Variants in ATF1 observed in about 807,000 individuals in gnomAD.
ATF1 encodes the protein activating transcription factor 1.
A neutral mutation model predicts 34.7 loss-of-function variants in ATF1; 16 were observed. The observed-to-expected ratio is 0.46, with a 90% CI of 0.31 to 0.70. The LOEUF (loss-of-function observed/expected upper bound fraction) is 0.70. ATF1 is among the 30% of genes least tolerant of loss of function. The pLI, the probability that ATF1 is intolerant of heterozygous loss-of-function variation, is 0.05. For synonymous variants in ATF1, 105 were observed against 113.1 expected (o/e 0.93, Z 0.46); for missense variants, 255 against 321.6 (o/e 0.79, Z 1.58).
intron 1 of ATF1, among the ~76,000 whole-genome samples, chr12:50,776,023 A>T (rs140690757): frequency 6.6e-5 from 10 of 152,170 alleles, no homozygotes; most frequent in African/African-American, 2.2e-4. Context: ...AAAAAATTTT[A>T]AAAATTAGGC....
chr12:50,776,042 G>A (rs1287551278), intron 1 of ATF1, among the ~76,000 whole-genome samples: 1 of 152,124 alleles, frequency 6.6e-6, no homozygotes, highest in African/African-American at 2.4e-5. Context: ...GCTGGGCACG[G>A]TGGCTCACGC....
At chr12:50,785,335 A>G (rs1472057215) in intron 2 of ATF1, among the ~76,000 whole-genome samples, 1 of 132,748 alleles carries the variant, frequency 7.5e-6, no homozygotes, top group African/African-American at 2.9e-5. Context: ...ACACACACAC[A>G]CACAGACGTA....
chr12:50,812,455 T>C (rs1436831695), intron 4 of ATF1, among the ~76,000 whole-genome samples: 1 of 152,218 alleles, frequency 6.6e-6, no homozygotes, highest in African/African-American at 2.4e-5. Flanking sequence ...TTGATACTTA[T>C]ATAAATAAAT....
At position 50,804,000 on chromosome 12, in the gene ATF1, A is replaced by G. The variant is rs553012966; in HGVS notation, c.195-5456A>G. ...GGTACCAAGTTTCTTTTAGGGGGAC[A>G]AAAGTGTTCTAAAATTAGATTATAG... On this transcript the variant is annotated intron_variant, in intron 3 of 6. Coordinates refer to ENST00000262053, the MANE Select transcript of ATF1 (RefSeq NM_005171.5). Among the ~76,000 whole-genome samples, 6 of 152,342 alleles carry G rather than the reference A, an allele frequency of 3.9e-5. No homozygotes were observed. In the South Asian group the frequency reaches 1.2e-3, roughly 32 times the overall value.
At chr12:50,810,316 C>G (rs1941709668) in intron 4 of ATF1, among the ~76,000 whole-genome samples, 2 of 148,706 alleles carry the variant, frequency 1.3e-5, no homozygotes, top group Non-Finnish European at 3.0e-5. Flanking sequence ...CTCCCGGGTT[C>G]AAGTGATTCT....
At position 50,780,193 on chromosome 12, in the gene ATF1, T is replaced by C. The variant is rs375093984; in HGVS notation, c.48T>C (p.Pro16=). 116 of 1,613,876 alleles carry C rather than the reference T, an allele frequency of 7.2e-5. No homozygotes were observed. Among genetic ancestry groups the C allele is most frequent in the Non-Finnish European group, 9.4e-5 (111 of 1,179,930 alleles). ...KSTTSETAPQ[P]GSAVQGAHIS... Reference sequence around the variant, plus strand: ...CCACGTCAGAGACAGCACCTCAACCTGGTTCAGCAGTTCAGGGAGCTCACA... The same window carrying C: ...CCACGTCAGAGACAGCACCTCAACCCGGTTCAGCAGTTCAGGGAGCTCACA... The change falls in exon 2 of 7, where the codon CCT becomes CCC. Residue 16 remains proline (P), a synonymous_variant. Coordinates refer to ENST00000262053, the MANE Select transcript of ATF1 (RefSeq NM_005171.5).
At chr12:50,804,423 AC>A (rs886331460) in intron 3 of ATF1, among the ~76,000 whole-genome samples, 10 of 152,178 alleles carry the variant, frequency 6.6e-5, no homozygotes, top group African/African-American at 2.4e-4. Context: ...AGTGGCTCAC[AC>A]CTGTGATCTC....
At chr12:50,789,051 G>A (rs1265970479) in intron 2 of ATF1, among the ~76,000 whole-genome samples, 5 of 151,932 alleles carry the variant, frequency 3.3e-5, no homozygotes, top group African/African-American at 1.2e-4. Context: ...GTAGTTCAGT[G>A]TTAATGTATA....
At chr12:50,807,811 T>G (rs1048221536) in intron 3 of ATF1, among the ~76,000 whole-genome samples, 13 of 58,638 alleles carry the variant, frequency 2.2e-4, no homozygotes, top group Middle Eastern at 6.9e-3. Flanking sequence ...TGTTTTTTTT[T>G]TGTTTTTTTT....
chr12:50,765,926 C>T (rs535371228), intron 1 of ATF1, among the ~76,000 whole-genome samples: 1 of 152,308 alleles, frequency 6.6e-6, no homozygotes, highest in Middle Eastern at 3.4e-3. Context: ...ACCAGCAGCC[C>T]TTGGGGCTGC....
At position 50,820,405 on chromosome 12, in the gene ATF1, A is replaced by ATGG. The variant is rs1941927197; in HGVS notation, c.*627_*629dup. On this transcript the variant is annotated 3_prime_UTR_variant, in exon 7 of 7. Coordinates refer to ENST00000262053, the MANE Select transcript of ATF1 (RefSeq NM_005171.5). ...CCTAAAAGGCATCTAAGGTACATGA[A>ATGG]TGGAGTATGGTGATTTTATAACATT... 1 of 186,496 alleles carries ATGG rather than the reference A, an allele frequency of 5.4e-6. No homozygotes were observed. The highest frequency in any genetic ancestry group is 2.0e-4 in the South Asian group (1 of 5,128). 11.6% of individuals were successfully genotyped at this position (186,496 alleles called of 1,614,324 possible).
intron 2 of ATF1, among the ~76,000 whole-genome samples, chr12:50,785,013 C>T (rs1941151880): frequency 6.6e-6 from 1 of 151,222 alleles, no homozygotes; most frequent in Non-Finnish European, 1.5e-5. Context: ...CATCATTTAG[C>T]ATTAGGTATA....
chr12:50,768,556 GGCAAATGA>G, intron 1 of ATF1, among the ~76,000 whole-genome samples: 2 of 152,232 alleles, frequency 1.3e-5, no homozygotes, highest in South Asian at 4.1e-4. Context: ...CTTAAAAACT[GGCAAATGA>G]AAAATCTTAC....
At chr12:50,794,435 C>T (rs1487927729) in intron 2 of ATF1, among the ~76,000 whole-genome samples, 4 of 151,056 alleles carry the variant, frequency 2.6e-5, no homozygotes, top group African/African-American at 2.4e-5. Flanking sequence ...CGTGGTGGCA[C>T]GTGGCTGTAA....
At chr12:50,770,272 G>A (rs1454809222) in intron 1 of ATF1, among the ~76,000 whole-genome samples, 1 of 152,208 alleles carries the variant, frequency 6.6e-6, no homozygotes, top group Non-Finnish European at 1.5e-5. Flanking sequence ...GGCTTTGACT[G>A]AAATGGTGTG....
intron 1 of ATF1, among the ~76,000 whole-genome samples, chr12:50,766,339 C>T (rs1373782005): frequency 6.6e-6 from 1 of 152,096 alleles, no homozygotes; most frequent in Non-Finnish European, 1.5e-5. Flanking sequence ...GTTAGAGTCC[C>T]TCTCAGGTAA....
chr12:50,774,732 A>G (rs1466626835), intron 1 of ATF1, among the ~76,000 whole-genome samples: 1 of 150,960 alleles, frequency 6.6e-6, no homozygotes, highest in East Asian at 2.0e-4. Flanking sequence ...TGGAAAAAAG[A>G]GTTTTTTGTT....
At chr12:50,769,432 A>C (rs1193453132) in intron 1 of ATF1, among the ~76,000 whole-genome samples, 1 of 151,598 alleles carries the variant, frequency 6.6e-6, no homozygotes, top group East Asian at 1.9e-4. Context: ...TGAACCTGGG[A>C]GGGGGAGGTT....
At chr12:50,808,980 C>A (rs1005004429) in intron 3 of ATF1, among the ~76,000 whole-genome samples, 1 of 152,032 alleles carries the variant, frequency 6.6e-6, no homozygotes, top group Non-Finnish European at 1.5e-5. Flanking sequence ...CCTTGTGATC[C>A]GCTGGTCTCG....
Sources: allele counts gnomAD v4.1 joint callset (sites outside exome capture counted in the v4.1 genomes callset), GRCh38; gene constraint gnomAD v4.1.1; transcripts MANE v1.5; gene names NCBI Gene and HGNC (gene_info 2026-07-23, HGNC 2026-07-21).